Variants in PPM1L observed in about 807,000 individuals in gnomAD.
The protein encoded by PPM1L is protein phosphatase, Mg2+/Mn2+ dependent 1L.
A neutral mutation model predicts 31.4 loss-of-function variants in PPM1L; 13 were observed. The ratio of observed to expected loss-of-function variants is 0.41; its 90% CI spans 0.27 to 0.66. PPM1L has a LOEUF of 0.66. PPM1L is among the 30% of genes least tolerant of loss of function. The pLI, the probability that PPM1L is intolerant of heterozygous loss-of-function variation, is 0.29. For missense variants in PPM1L, 326 were observed against 453.7 expected, an observed-to-expected ratio of 0.72 and a Z score of 2.56; for synonymous variants, 184 against 175.4, an observed-to-expected ratio of 1.05 and a Z score of -0.39.
chr3:160,942,348 G>T (rs925877215), intron 1 of PPM1L, among the ~76,000 whole-genome samples: 6 of 152,040 alleles, frequency 3.9e-5, no homozygotes, highest in Non-Finnish European at 8.8e-5. Flanking sequence ...TCCCACCTTG[G>T]CCTCCCAAAG....
chr3:160,811,631 C>T (rs1332751848), intron 1 of PPM1L, among the ~76,000 whole-genome samples: 1 of 152,162 alleles, frequency 6.6e-6, no homozygotes, highest in Non-Finnish European at 1.5e-5. Context: ...ATTGTGCTCT[C>T]TGTGAGGTTA....
At chr3:161,050,976 A>G (rs1454178673) in intron 2 of PPM1L, among the ~76,000 whole-genome samples, 1 of 152,158 alleles carries the variant, frequency 6.6e-6, no homozygotes, top group African/African-American at 2.4e-5. Context: ...TGCTCCTTTC[A>G]TTTGGTTTTA....
chr3:160,803,247 C>G (rs972677076), intron 1 of PPM1L, among the ~76,000 whole-genome samples: 1 of 152,220 alleles, frequency 6.6e-6, no homozygotes, highest in Admixed American at 6.5e-5. Context: ...TATGTGGTGT[C>G]ATTAGTCTAA....
intron 1 of PPM1L, among the ~76,000 whole-genome samples, chr3:160,924,614 G>GC (rs1477379604): frequency 2.0e-5 from 3 of 152,144 alleles, no homozygotes; most frequent in Non-Finnish European, 4.4e-5. Context: ...TTAGAAAAAC[G>GC]CAGCATCCTT....
At position 160,756,425 on chromosome 3, in the gene PPM1L, C is replaced by T; in HGVS notation, c.117C>T (p.Phe39=). 6.2e-7 allele frequency: 1 copy of T among 1,614,242 alleles called. No individual in the cohort carries two copies. Among genetic ancestry groups the T allele is most frequent in the Non-Finnish European group, 8.5e-7 (1 of 1,180,046 alleles). ...LCISLALWSY[F]FHTDEVKTIV... ...TCAGCTTGGCTCTATGGAGTTACTT[C>T]TTCCACACCGACGAGGTGAAGACCA... The change falls in exon 1 of 4, where the codon TTC becomes TTT. Residue 39 remains phenylalanine (F), a synonymous_variant. Transcript: ENST00000498165. The surrounding 1 kb of genome is among the most constrained non-coding windows in gnomAD (Gnocchi z 6.2).
At chr3:160,974,422 T>A (rs1246171008) in intron 2 of PPM1L, among the ~76,000 whole-genome samples, 4 of 151,840 alleles carry the variant, frequency 2.6e-5, no homozygotes, top group Non-Finnish European at 5.9e-5. Flanking sequence ...GTATTTCTAG[T>A]TCTAGATCCC....
intron 2 of PPM1L, among the ~76,000 whole-genome samples, chr3:161,045,291 G>T (rs1036346654): frequency 6.6e-6 from 1 of 152,094 alleles, no homozygotes. Flanking sequence ...TCTACAGAGC[G>T]CTCCACCACA....
At chr3:160,914,270 C>G (rs907390827) in intron 1 of PPM1L, among the ~76,000 whole-genome samples, 3 of 151,944 alleles carry the variant, frequency 2.0e-5, no homozygotes, top group Admixed American at 2.0e-4. Context: ...TATTTGACTT[C>G]TTAGTATTGA....
chr3:160,918,759 G>A (rs1294642292), intron 1 of PPM1L, among the ~76,000 whole-genome samples: 2 of 152,076 alleles, frequency 1.3e-5, no homozygotes, highest in Non-Finnish European at 2.9e-5. Flanking sequence ...TCAGAAGCAT[G>A]TTGTTTCATG....
intron 1 of PPM1L, among the ~76,000 whole-genome samples, chr3:160,824,942 A>G (rs1221134591): frequency 1.3e-5 from 2 of 151,162 alleles, no homozygotes; most frequent in East Asian, 3.9e-4. Context: ...TCCTTTAGGG[A>G]TTTCTAAATA....
At chr3:160,867,691 G>A (rs1280210058) in intron 1 of PPM1L, among the ~76,000 whole-genome samples, 1 of 151,946 alleles carries the variant, frequency 6.6e-6, no homozygotes, top group East Asian at 1.9e-4. Context: ...TTGCTATTAT[G>A]GTTAGAAAAT....
rs1395315361 is a variant in PPM1L at position 161,022,280 on chromosome 3, TC to T, written c.575-43119del. On this transcript the variant is annotated intron_variant, in intron 2 of 3. Transcript: ENST00000498165. The stretch of plus-strand genomic sequence containing the variant: ...TTTGCTTTAATATACCACTATTCCC[TC>T]CCCATTCTCTGTGCTGTTGTCAACC... The T allele has an allele frequency of 5.6e-6, 3 of 539,986 alleles. No homozygotes were observed. In the African/African-American group the frequency reaches 5.9e-5, roughly 11 times the overall value. The allele number at this position is 539,986 out of a possible 1,614,324, so 33.4% of individuals were successfully genotyped here.
At chr3:160,841,788 T>G (rs1045504482) in intron 1 of PPM1L, among the ~76,000 whole-genome samples, 2 of 152,176 alleles carry the variant, frequency 1.3e-5, no homozygotes, top group Admixed American at 6.5e-5. Context: ...TTATTTTGAT[T>G]AAAGAGACTA....
chr3:160,901,055 T>G (rs1713521670), intron 1 of PPM1L, among the ~76,000 whole-genome samples: 1 of 152,150 alleles, frequency 6.6e-6, no homozygotes, highest in Non-Finnish European at 1.5e-5. Flanking sequence ...TTTCTTAATG[T>G]TAGGCTATCC....
chr3:160,780,052 A>G lies in PPM1L; in HGVS notation c.399+23345A>G, dbSNP rs1711690458. ...TTTTTTTTTTTTGATACTGGGTCTC[A>G]TTCCTCCATTGCCCAGGCTGTGATA... On this transcript the variant is annotated intron_variant, in intron 1 of 3. Coordinates refer to ENST00000498165, the MANE Select transcript of PPM1L (RefSeq NM_139245.4). Among the ~76,000 whole-genome samples, 3 of 151,134 alleles carry G rather than the reference A, an allele frequency of 2.0e-5. No individual in the cohort carries two copies. In the South Asian group the frequency reaches 6.2e-4, roughly 31 times the overall value.
At chr3:161,057,240 A>G (rs922867226) in intron 2 of PPM1L, among the ~76,000 whole-genome samples, 3 of 152,126 alleles carry the variant, frequency 2.0e-5, no homozygotes, top group African/African-American at 7.2e-5. Flanking sequence ...CTCAGCTGCT[A>G]CAGGTCTCTG....
At chr3:160,920,079 C>T (rs767207861) in intron 1 of PPM1L, among the ~76,000 whole-genome samples, 1 of 152,134 alleles carries the variant, frequency 6.6e-6, no homozygotes, top group East Asian at 1.9e-4. Context: ...CTCCTTCTAT[C>T]CACTTTACCA....
intron 1 of PPM1L, among the ~76,000 whole-genome samples, chr3:160,856,924 G>A (rs1031209566): frequency 4.0e-5 from 6 of 151,684 alleles, no homozygotes; most frequent in African/African-American, 1.5e-4. Flanking sequence ...AGTTTTTGTA[G>A]TTGATTGTTT....
At chr3:160,759,650 C>T (rs1279652724) in intron 1 of PPM1L, among the ~76,000 whole-genome samples, 1 of 151,912 alleles carries the variant, frequency 6.6e-6, no homozygotes, top group African/African-American at 2.4e-5. Flanking sequence ...ACCTCTACAC[C>T]AAAAATTATA....
Sources: allele counts gnomAD v4.1 joint callset (sites outside exome capture counted in the v4.1 genomes callset), GRCh38; gene constraint gnomAD v4.1.1; non-coding constraint Gnocchi (gnomAD v3.1); transcripts MANE v1.5; gene names NCBI Gene and HGNC (gene_info 2026-07-23, HGNC 2026-07-21).